SH3D19: variants seen among roughly 807,000 people sequenced by gnomAD.
SH3D19 encodes the protein SH3 domain containing 19, also known as SH3 domain-containing protein 19.
A neutral mutation model predicts 112.1 loss-of-function variants in SH3D19; 58 were observed. The observed-to-expected ratio is 0.52, with a 90% CI of 0.42 to 0.64. The LOEUF is 0.64. Among genes scored for constraint, SH3D19 ranks in the 30% least tolerant of loss-of-function variants. The pLI is 0.00. For synonymous variants in SH3D19, 391 were observed against 448.5 expected (o/e 0.87, Z 1.62); for missense variants, 1,090 against 1,263.4 (o/e 0.86, Z 2.08).
chr4:151,251,014 T>A (rs1771336321), intron 1 of SH3D19, among the ~76,000 whole-genome samples: 1 of 151,992 alleles, frequency 6.6e-6, no homozygotes, highest in African/African-American at 2.4e-5. Flanking sequence ...CACCTATCCC[T>A]CCTCCATTCA....
chr4:151,194,462 C>T (rs1704941761), intron 2 of SH3D19, among the ~76,000 whole-genome samples: 1 of 151,888 alleles, frequency 6.6e-6, no homozygotes, highest in Admixed American at 6.6e-5. Context: ...ATGGTAGTTT[C>T]AGTTTCAAGC....
chr4:151,267,019 C>T (rs188205782), intron 1 of SH3D19, among the ~76,000 whole-genome samples: 96 of 152,116 alleles, frequency 6.3e-4, no homozygotes, highest in African/African-American at 2.2e-3. Flanking sequence ...TGTCAGACTT[C>T]AAAAATATGG....
chr4:151,284,717 C>G (rs1774575357), intron 1 of SH3D19, among the ~76,000 whole-genome samples: 1 of 152,046 alleles, frequency 6.6e-6, no homozygotes, highest in Non-Finnish European at 1.5e-5. Context: ...GTAGGGAGTA[C>G]AGATTGTTAT....
intron 10 of SH3D19, among the ~76,000 whole-genome samples, chr4:151,148,636 T>C (rs1361706216): frequency 6.6e-6 from 1 of 152,202 alleles, no homozygotes; most frequent in Non-Finnish European, 1.5e-5. Flanking sequence ...CTAATATTCA[T>C]GTTATAGGTG....
At chr4:151,307,476 G>A (rs1173967216) in intron 1 of SH3D19, among the ~76,000 whole-genome samples, 2 of 152,240 alleles carry the variant, frequency 1.3e-5, no homozygotes, top group Non-Finnish European at 1.5e-5. Flanking sequence ...AAAGCCACTC[G>A]CGTCTGGGCG....
intron 1 of SH3D19, chr4:151,283,073 TTTTC>T: frequency 6.3e-7 from 1 of 1,596,226 alleles, no homozygotes; most frequent in Non-Finnish European, 8.6e-7. Flanking sequence ...GCCCCTGCAC[TTTTC>T]TAGGTTGCTT....
chr4:151,241,559 T>TAAATAA (rs373581163), intron 1 of SH3D19, among the ~76,000 whole-genome samples: 1 of 151,680 alleles, frequency 6.6e-6, no homozygotes, highest in African/African-American at 2.4e-5. Context: ...TATTTATTTA[T>TAAATAA]TTATTTATCT....
At chr4:151,188,685 ATAT>A (rs976075553) in intron 2 of SH3D19, among the ~76,000 whole-genome samples, 40 of 152,334 alleles carry the variant, frequency 2.6e-4, no homozygotes, top group African/African-American at 9.6e-4. Flanking sequence ...GGCAGGGATG[ATAT>A]TATGAATTTA....
chr4:151,293,986 C>G (rs1160422875), intron 1 of SH3D19, among the ~76,000 whole-genome samples: 1 of 152,230 alleles, frequency 6.6e-6, no homozygotes, highest in African/African-American at 2.4e-5. Flanking sequence ...CTCAAGGAAG[C>G]TATCCCCATC....
chr4:151,148,893 C>CA (rs1251362684), intron 10 of SH3D19, among the ~76,000 whole-genome samples: 1 of 152,082 alleles, frequency 6.6e-6, no homozygotes, highest in Non-Finnish European at 1.5e-5. Flanking sequence ...CAAAAATTAG[C>CA]TGGGCATGGT....
chr4:151,255,666 C>G (rs982151331), intron 1 of SH3D19, among the ~76,000 whole-genome samples: 1 of 152,146 alleles, frequency 6.6e-6, no homozygotes, highest in African/African-American at 2.4e-5. Context: ...TTTGGGAGGC[C>G]AAGGCAGGCG....
In SH3D19 at chr4:151,218,978, T is replaced by G. The variant is rs554643009; in HGVS notation, c.152+7069A>C. 2.2e-3 allele frequency among the ~76,000 whole-genome samples: 334 copies of G among 152,318 alleles called. 1 individual carries two copies. Among genetic ancestry groups the G allele is most frequent in the African/African-American group, 7.6e-3 (317 of 41,566 alleles). The stretch of plus-strand genomic sequence containing the variant: ...GCTTTATATAAATGGCATTATACTG[T>G]AACTATCCTTCTACAGCTTGCTTTT... On this transcript the variant is annotated intron_variant, in intron 2 of 19. Transcript: ENST00000604030.
At chr4:151,309,134 A>G (rs1729198545) in intron 1 of SH3D19, among the ~76,000 whole-genome samples, 2 of 152,218 alleles carry the variant, frequency 1.3e-5, no homozygotes, top group African/African-American at 4.8e-5. Flanking sequence ...GTCCCAAAGT[A>G]CTGGGATAAC....
intron 1 of SH3D19, among the ~76,000 whole-genome samples, chr4:151,287,712 T>C (rs756156059): frequency 3.9e-5 from 6 of 152,048 alleles, no homozygotes; most frequent in Admixed American, 1.3e-4. Flanking sequence ...CTGGGCAACA[T>C]AGTGAGACCT....
chr4:151,207,025 C>T (rs1181860586), intron 2 of SH3D19, among the ~76,000 whole-genome samples: 1 of 152,176 alleles, frequency 6.6e-6, no homozygotes, highest in East Asian at 1.9e-4. Context: ...TTAGTTTAAA[C>T]TTTCATGAGA....
chr4:151,121,063 C>T lies in SH3D19; in HGVS notation c.*1028G>A, dbSNP rs1747915674. Reference sequence around the variant, plus strand: ...GGGATAAGCTAGAGAAAAAATAAAACAAAAAAGTACCAGTCTTCTGTCCTC... The same window carrying T: ...GGGATAAGCTAGAGAAAAAATAAAATAAAAAAGTACCAGTCTTCTGTCCTC... On this transcript the variant is annotated 3_prime_UTR_variant, in exon 20 of 20. Coordinates refer to ENST00000604030, the MANE Select transcript of SH3D19 (RefSeq NM_001378122.1). 2 of 152,436 alleles carry T rather than the reference C, an allele frequency of 1.3e-5. No homozygotes were observed. Among genetic ancestry groups the T allele is most frequent in the South Asian group, 2.1e-4 (1 of 4,830 alleles). 9.4% of individuals were successfully genotyped at this position (152,436 alleles called of 1,614,324 possible). A position where few individuals can be genotyped will look rare whatever the true frequency, so the allele number is the denominator to read the frequency against.
At chr4:151,166,747 T>C (rs1163365825) in intron 7 of SH3D19, among the ~76,000 whole-genome samples, 1 of 152,210 alleles carries the variant, frequency 6.6e-6, no homozygotes, top group Non-Finnish European at 1.5e-5. Context: ...CTGCCTGTTA[T>C]GAGGTGTAAT....
intron 1 of SH3D19, among the ~76,000 whole-genome samples, chr4:151,245,458 G>A (rs1323144608): frequency 6.6e-6 from 1 of 152,134 alleles, no homozygotes; most frequent in Non-Finnish European, 1.5e-5. Context: ...AGACTTTAAT[G>A]GCAACTGTGC....
intron 1 of SH3D19, among the ~76,000 whole-genome samples, chr4:151,311,114 T>C (rs1729413751): frequency 6.6e-6 from 1 of 151,148 alleles, no homozygotes; most frequent in Non-Finnish European, 1.5e-5. Flanking sequence ...GAGATATATA[T>C]GTATGTATAC....
Sources: allele counts gnomAD v4.1 joint callset (sites outside exome capture counted in the v4.1 genomes callset), GRCh38; gene constraint gnomAD v4.1.1; transcripts MANE v1.5; gene names NCBI Gene and HGNC (gene_info 2026-07-23, HGNC 2026-07-21).